The following R3HDM1 variants were observed in gnomAD, a reference collection of about 807,000 sequenced individuals.
R3HDM1 encodes the protein R3H domain-containing protein 1.
In R3HDM1, 46 loss-of-function variants were observed where a neutral mutation model predicts 141.1. The ratio of observed to expected loss-of-function variants is 0.33; its 90% CI spans 0.26 to 0.42. The LOEUF is 0.42. R3HDM1 is among the 10% of genes least tolerant of loss of function. R3HDM1 has a pLI of 1.00. For missense variants in R3HDM1, 1,184 were observed against 1,368.3 expected (o/e 0.87, Z 2.12); for synonymous variants, 435 against 472.9 (o/e 0.92, Z 1.04).
intron 20 of R3HDM1, among the ~76,000 whole-genome samples, chr2:135,677,563 G>GTT (rs11422432): frequency 2.6e-5 from 4 of 151,412 alleles, no homozygotes; most frequent in African/African-American, 7.3e-5. Flanking sequence ...AATTAGTATA[G>GTT]TTTTTTTTTA....
At chr2:135,535,545 T>TAAATAAATAAATAA (rs1559073981) in intron 1 of R3HDM1, among the ~76,000 whole-genome samples, 2 of 134,270 alleles carry the variant, frequency 1.5e-5, no homozygotes, top group African/African-American at 7.5e-5. Flanking sequence ...TAAATAAATA[T>TAAATAAATAAATAA]GAGATGGCTG....
chr2:135,579,604 G>T (rs941758871), intron 1 of R3HDM1, among the ~76,000 whole-genome samples: 2 of 147,362 alleles, frequency 1.4e-5, no homozygotes, highest in African/African-American at 5.1e-5. Context: ...GCGGGGGGGG[G>T]TGGAAATGGC....
At chr2:135,584,004 T>A in intron 1 of R3HDM1, 1 of 985,360 alleles carries the variant, frequency 1.0e-6, no homozygotes, top group African/African-American at 1.7e-5. Flanking sequence ...GCACAAAATT[T>A]AAGGTGCAAG....
chr2:135,636,393 A>G (rs1395160427), intron 11 of R3HDM1, among the ~76,000 whole-genome samples: 4 of 152,184 alleles, frequency 2.6e-5, no homozygotes, highest in African/African-American at 4.8e-5. Flanking sequence ...AAATTTTACA[A>G]AAGTTGGAAG....
At chr2:135,705,626 A>ACCTTGG (rs924686890) in intron 21 of R3HDM1, among the ~76,000 whole-genome samples, 8 of 152,140 alleles carry the variant, frequency 5.3e-5, no homozygotes, top group Admixed American at 2.0e-4. Flanking sequence ...ATAGAGTGAG[A>ACCTTGG]CCTTGTCTGT....
chr2:135,537,035 G>A (rs1696293710), intron 1 of R3HDM1, among the ~76,000 whole-genome samples: 1 of 152,118 alleles, frequency 6.6e-6, no homozygotes, highest in Non-Finnish European at 1.5e-5. Flanking sequence ...GTGCCAAAAA[G>A]GTTGGGGACT....
intron 1 of R3HDM1, among the ~76,000 whole-genome samples, chr2:135,589,167 A>G (rs1200978871): frequency 6.6e-6 from 1 of 152,200 alleles, no homozygotes; most frequent in East Asian, 1.9e-4. Flanking sequence ...TATTAATAGC[A>G]GTATGGCTTT....
intron 1 of R3HDM1, among the ~76,000 whole-genome samples, chr2:135,561,073 G>T (rs757895098): frequency 8.5e-5 from 13 of 152,190 alleles, no homozygotes; most frequent in Non-Finnish European, 1.8e-4. Flanking sequence ...TGTTAATCCA[G>T]TAAGTTTTAA....
At position 135,566,175 on chromosome 2, in the gene R3HDM1, A is replaced by G. The variant is rs1051536228; in HGVS notation, c.-250+34542A>G. ...CTTATGATTCATATATTATGTTTGC[A>G]TCTTATTTTATCTGATTGTCTACCC... On this transcript the variant is annotated intron_variant, in intron 1 of 26. Transcript: ENST00000683871. Among the ~76,000 whole-genome samples, 5 of 152,316 alleles carry G rather than the reference A, an allele frequency of 3.3e-5. No individual in the cohort carries two copies. In the South Asian group the frequency reaches 6.2e-4, roughly 19 times the overall value.
At chr2:135,573,899 A>G (rs1704740475) in intron 1 of R3HDM1, among the ~76,000 whole-genome samples, 2 of 152,214 alleles carry the variant, frequency 1.3e-5, no homozygotes, top group East Asian at 1.9e-4. Context: ...AAAAAAATTT[A>G]TAGCAGTAAA....
intron 1 of R3HDM1, 69 bp from the exon 2 acceptor site, chr2:135,602,431 A>G: frequency 9.6e-7 from 1 of 1,036,288 alleles, no homozygotes; most frequent in Non-Finnish European, 1.2e-6. Flanking sequence ...TTAATTTCTC[A>G]GTTTCATGTG....
intron 7 of R3HDM1, among the ~76,000 whole-genome samples, chr2:135,631,160 A>C (rs1574515067): frequency 6.6e-6 from 1 of 152,184 alleles, no homozygotes; most frequent in Non-Finnish European, 1.5e-5. Context: ...TTAGATTCCC[A>C]TAGAAGTATT....
At chr2:135,587,041 C>T in intron 1 of R3HDM1, 1 of 930,076 alleles carries the variant, frequency 1.1e-6, no homozygotes, top group Non-Finnish European at 1.3e-6. Context: ...TTTTAAAGTG[C>T]TTGTAACAGC....
chr2:135,587,016 A>C (rs895025803), intron 1 of R3HDM1: 6 of 978,006 alleles, frequency 6.1e-6, no homozygotes, highest in Non-Finnish European at 7.3e-6. Context: ...CTTTTGGGGG[A>C]AGAGGTAGAA....
At chr2:135,696,812 A>C (rs2073320053) in intron 21 of R3HDM1, among the ~76,000 whole-genome samples, 1 of 152,186 alleles carries the variant, frequency 6.6e-6, no homozygotes, top group African/African-American at 2.4e-5. Context: ...TAGTTTAAAC[A>C]AAGACTAGTT....
intron 19 of R3HDM1, 126 bp downstream of exon 19, chr2:135,661,519 T>C: frequency 8.1e-7 from 1 of 1,227,450 alleles, no homozygotes; most frequent in Non-Finnish European, 1.1e-6. Flanking sequence ...ACATATGAGT[T>C]TGCAAACCAA....
chr2:135,591,151 A>G (rs2105062501), intron 1 of R3HDM1, among the ~76,000 whole-genome samples: 2 of 152,282 alleles, frequency 1.3e-5, no homozygotes. Context: ...TCACATTTTA[A>G]GCCATCAAAG....
At chr2:135,601,964 CTTT>C (rs755867675) in intron 1 of R3HDM1, among the ~76,000 whole-genome samples, 2 of 108,006 alleles carry the variant, frequency 1.9e-5, no homozygotes, top group Admixed American at 1.8e-4. Flanking sequence ...ACCCAGCCAA[CTTT>C]TTTTTTTTTT....
chr2:135,680,299 C>T lies in R3HDM1; in HGVS notation c.2434C>T (p.Pro812Ser). ...AATGCCTGTTTACTATAGTGTCATT[C>T]CACCTGGTCAACAAAACAATTTAAG... ...TGMPVYYSVI[P>S]PGQQNNLSSS... The change falls in exon 21 of 27, where the codon CCA becomes TCA. Residue 812 changes from proline to serine, a missense_variant. By Grantham distance (74) the Pro-to-Ser change is moderately conservative. Transcript: ENST00000683871. 6.2e-7 allele frequency: 1 copy of T among 1,613,970 alleles called. No individual in the cohort carries two copies. Among genetic ancestry groups the T allele is most frequent in the Non-Finnish European group, 8.5e-7 (1 of 1,179,914 alleles).
Sources: gnomAD v4.1 joint callset for allele counts (sites outside exome capture counted in the v4.1 genomes callset) on GRCh38, gnomAD v4.1.1 for gene constraint, MANE v1.5 for transcripts, NCBI Gene and HGNC (gene_info 2026-07-23, HGNC 2026-07-21) for gene names.